The following PPP1R13B variants were observed in gnomAD, a reference collection of about 807,000 sequenced individuals.
PPP1R13B encodes the protein protein phosphatase 1 regulatory subunit 13B.
In PPP1R13B, 44 loss-of-function variants were observed where a neutral mutation model predicts 119.8. That is an observed-to-expected ratio of 0.37 (90% CI 0.29 to 0.47). The LOEUF is 0.47. PPP1R13B is among the 20% of genes least tolerant of loss of function. The pLI is 0.99. For synonymous variants in PPP1R13B, 542 were observed against 561.5 expected, an observed-to-expected ratio of 0.97 and a Z score of 0.49; for missense variants, 1,227 against 1,413.5, an observed-to-expected ratio of 0.87 and a Z score of 2.12.
Position 103,735,060 on chromosome 14 carries a change from A to G in PPP1R13B, c.*94T>C, listed in dbSNP as rs773433616. 2.1e-6 allele frequency: 3 copies of G among 1,437,902 alleles called. No individual in the cohort carries two copies. The highest frequency in any genetic ancestry group is 2.3e-5 in the South Asian group (2 of 86,718). The allele number at this position is 1,437,902 out of a possible 1,614,324, so 89.1% of individuals were successfully genotyped here. On this transcript the variant is annotated 3_prime_UTR_variant, in exon 17 of 17. Coordinates refer to ENST00000202556, the MANE Select transcript of PPP1R13B (RefSeq NM_015316.3). ...TGCTAAAGTGAGCACCATTAAGACC[A>G]TTTTCTAGCTGCAGCTTTCCTGGAA...
At chr14:103,785,936 T>C (rs1339075008) in intron 2 of PPP1R13B, among the ~76,000 whole-genome samples, 3 of 152,236 alleles carry the variant, frequency 2.0e-5, no homozygotes, top group Admixed American at 1.3e-4. Flanking sequence ...CAGGCAACAT[T>C]ATTGTGAATG....
rs762641088 is a variant in PPP1R13B, at chr14:103,778,775, A to C, written c.324T>G (p.Asn108Lys). ...TTTCAGTACGTTTTTCTCCAGGTAC[A>C]TTTATTACATTTCTCTGAGTTCGTT... ...QEQRTQRNVI[N>K]VPGEKRTENG... is the part of the protein sequence containing the mutation. The change falls in exon 4 of 17, where the codon AAT becomes AAG. Residue 108 changes from asparagine to lysine, a missense_variant. Transcript: ENST00000202556. The C allele has an allele frequency of 6.2e-7, 1 of 1,613,994 alleles. No individual in the cohort carries two copies. The highest frequency in any genetic ancestry group is 8.5e-7 in the Non-Finnish European group (1 of 1,179,980).
intron 15 of PPP1R13B, chr14:103,737,485 A>G (rs1361527761): frequency 1.4e-5 from 7 of 507,336 alleles, no homozygotes; most frequent in Non-Finnish European, 2.3e-5. Context: ...CTGAAGTGGG[A>G]GGATCAATTG....
At chr14:103,774,239 T>C (rs1392481534) in intron 4 of PPP1R13B, among the ~76,000 whole-genome samples, 1 of 152,204 alleles carries the variant, frequency 6.6e-6, no homozygotes, top group Admixed American at 6.5e-5. Context: ...GGCAACTTAC[T>C]GGATATCCTA....
intron 1 of PPP1R13B, among the ~76,000 whole-genome samples, chr14:103,836,777 A>G (rs1192714201): frequency 8.7e-5 from 4 of 45,906 alleles, no homozygotes; most frequent in African/African-American, 2.2e-4. Context: ...CTCAGAAAAG[A>G]AAAAAAAAAA....
At chr14:103,772,679 T>TC in intron 4 of PPP1R13B, among the ~76,000 whole-genome samples, 1 of 151,080 alleles carries the variant, frequency 6.6e-6, no homozygotes, top group African/African-American at 2.4e-5. Context: ...CTTTTTCTTT[T>TC]TTTTTTTTTT....
intron 2 of PPP1R13B, 170 bp downstream of exon 2, chr14:103,797,201 A>G: frequency 5.5e-6 from 3 of 546,052 alleles, no homozygotes; most frequent in Non-Finnish European, 9.3e-6. Context: ...ACCACAGATA[A>G]CTAAGAACTA....
chr14:103,836,776 G>GAAAAA (rs11394353), intron 1 of PPP1R13B, among the ~76,000 whole-genome samples: 1 of 114,848 alleles, frequency 8.7e-6, no homozygotes, highest in Non-Finnish European at 1.9e-5. Context: ...TCTCAGAAAA[G>GAAAAA]AAAAAAAAAA....
intron 1 of PPP1R13B, among the ~76,000 whole-genome samples, chr14:103,808,161 T>C (rs568606511): frequency 2.6e-5 from 4 of 151,988 alleles, no homozygotes; most frequent in East Asian, 2.0e-4. Flanking sequence ...GTGGAATCCC[T>C]TGAACCCAGG....
intron 4 of PPP1R13B, among the ~76,000 whole-genome samples, chr14:103,766,643 T>C (rs978707531): frequency 2.0e-5 from 3 of 152,232 alleles, no homozygotes; most frequent in African/African-American, 7.2e-5. Flanking sequence ...AGAGTCTCGC[T>C]CTGTCACCAG....
chr14:103,778,199 C>T (rs903564194), intron 4 of PPP1R13B, among the ~76,000 whole-genome samples: 5 of 143,158 alleles, frequency 3.5e-5, no homozygotes, highest in South Asian at 4.4e-4. Context: ...GGGGATCTGC[C>T]CGCCTCGGCC....
intron 1 of PPP1R13B, among the ~76,000 whole-genome samples, chr14:103,843,938 C>G (rs1595853474): frequency 7.4e-6 from 1 of 134,436 alleles, no homozygotes; most frequent in African/African-American, 2.9e-5. Context: ...GGCGACAGAG[C>G]AAGACTCCGT....
At chr14:103,792,836 C>T (rs546938426) in intron 2 of PPP1R13B, among the ~76,000 whole-genome samples, 3 of 151,974 alleles carry the variant, frequency 2.0e-5, no homozygotes, top group Admixed American at 6.6e-5. Flanking sequence ...TTTGGGAGGC[C>T]GAGGCAGGTG....
chr14:103,793,641 T>C (rs1308606363), intron 2 of PPP1R13B, among the ~76,000 whole-genome samples: 1 of 151,898 alleles, frequency 6.6e-6, no homozygotes, highest in Non-Finnish European at 1.5e-5. Context: ...TATACCTAAT[T>C]AGCATCTTGT....
intron 4 of PPP1R13B, among the ~76,000 whole-genome samples, chr14:103,773,543 G>A (rs904408164): frequency 2.6e-5 from 4 of 152,138 alleles, no homozygotes; most frequent in East Asian, 1.9e-4. Flanking sequence ...CCACAAAAGC[G>A]GGACTAACAG....
intron 4 of PPP1R13B, among the ~76,000 whole-genome samples, chr14:103,762,139 C>T (rs2084821656): frequency 6.6e-6 from 1 of 152,094 alleles, no homozygotes; most frequent in Non-Finnish European, 1.5e-5. Flanking sequence ...GTGCAATCTC[C>T]CCAAACAGCA....
Position 103,754,233 on chromosome 14 carries a change from T to G in PPP1R13B, c.468A>C (p.Leu156Phe), listed in dbSNP as rs748430307. ...GGCGCTCCTGTTGCTTTAGAAAATG[T>G]AAACGCTGTTCCTAACAAAAGAAAG... ...QQMLVAKEQR[L>F]HFLKQQERRQ... is the part of the protein sequence containing the mutation. The change falls in exon 6 of 17, where the codon TTA becomes TTC. Residue 156 changes from leucine to phenylalanine, a missense_variant. Transcript: ENST00000202556. The G allele has an allele frequency of 4.3e-5, 70 of 1,611,684 alleles. No individual in the cohort carries two copies. Among genetic ancestry groups the G allele is most frequent in the Non-Finnish European group, 5.9e-5 (69 of 1,179,330 alleles).
At chr14:103,804,786 C>A (rs2085978957) in intron 1 of PPP1R13B, among the ~76,000 whole-genome samples, 1 of 152,130 alleles carries the variant, frequency 6.6e-6, no homozygotes, top group East Asian at 1.9e-4. Context: ...AAGAGACAGA[C>A]AATCACAAGC....
rs769879634 is a variant in PPP1R13B, at chr14:103,739,946, C to T, written c.2470G>A (p.Val824Met). 2.1e-5 allele frequency: 34 copies of T among 1,613,934 alleles called. No individual in the cohort carries two copies. The highest frequency in any genetic ancestry group is 2.2e-5 in the East Asian group (1 of 44,882). Residue 824 changes from valine (V) to methionine (M), a missense_variant, in exon 12 of 17, where the codon GTG becomes ATG. Transcript: ENST00000202556. ...AEPAEDNNNN[V>M]ATVPTTEQIP... ...TGCTCCGTGGTGGGGACCGTGGCCACGTTGTTGTTATTGTCCTCTGCCGGC... is the reference window on the plus strand; with the variant it reads ...TGCTCCGTGGTGGGGACCGTGGCCATGTTGTTGTTATTGTCCTCTGCCGGC...
Sources: allele counts gnomAD v4.1 joint callset (sites outside exome capture counted in the v4.1 genomes callset), GRCh38; gene constraint gnomAD v4.1.1; transcripts MANE v1.5; gene names NCBI Gene and HGNC (gene_info 2026-07-23, HGNC 2026-07-21).